Variants in NALF1 observed in about 807,000 individuals in gnomAD.
The protein encoded by NALF1 is family with sequence similarity 155 member A.
A neutral mutation model predicts 48.4 loss-of-function variants in NALF1; 3 were observed. The ratio of observed to expected loss-of-function variants is 0.06; its 90% CI spans 0.03 to 0.16. The LOEUF is 0.16. Ranked by LOEUF, NALF1 falls within the 10% of genes least tolerant of loss-of-function variation. The pLI, the probability that NALF1 is intolerant of heterozygous loss-of-function variation, is 1.00. For synonymous variants in NALF1, 262 were observed against 245.7 expected (o/e 1.07, Z -0.62); for missense variants, 526 against 571.5 (o/e 0.92, Z 0.81).
At chr13:107,461,996 A>G (rs1884926556) in intron 1 of NALF1, among the ~76,000 whole-genome samples, 1 of 152,160 alleles carries the variant, frequency 6.6e-6, no homozygotes, top group African/African-American at 2.4e-5. Context: ...TCTTATGTTA[A>G]GGTAGTCCCT....
At chr13:107,736,577 C>G (rs1372276216) in intron 1 of NALF1, among the ~76,000 whole-genome samples, 1 of 152,158 alleles carries the variant, frequency 6.6e-6, no homozygotes, top group Non-Finnish European at 1.5e-5. Flanking sequence ...CAGAGCACAG[C>G]ACCAAATTAT....
intron 1 of NALF1, among the ~76,000 whole-genome samples, chr13:107,626,734 G>A (rs540531526): frequency 1.3e-5 from 2 of 152,102 alleles, no homozygotes; most frequent in South Asian, 4.2e-4. Flanking sequence ...CTAAAAAAGT[G>A]GATCTCATGG....
At chr13:107,534,418 G>A (rs1876740562) in intron 1 of NALF1, among the ~76,000 whole-genome samples, 1 of 152,080 alleles carries the variant, frequency 6.6e-6, no homozygotes, top group South Asian at 2.1e-4. Context: ...GGGAAAAGAG[G>A]AGCAATAAGG....
chr13:107,224,931 T>C (rs765346671), intron 1 of NALF1, among the ~76,000 whole-genome samples: 6 of 152,294 alleles, frequency 3.9e-5, no homozygotes, highest in Middle Eastern at 3.4e-3. Context: ...CAAATGGAAA[T>C]AAAACAAAGC....
intron 1 of NALF1, among the ~76,000 whole-genome samples, chr13:107,486,255 T>G (rs1350422806): frequency 6.6e-6 from 1 of 152,142 alleles, no homozygotes; most frequent in African/African-American, 2.4e-5. Context: ...AGAGCTAAGC[T>G]GATTGGACAC....
intron 1 of NALF1, among the ~76,000 whole-genome samples, chr13:107,331,426 A>G (rs9520390): frequency 0.017 from 2,557 of 152,314 alleles, 29 homozygotes; most frequent in Non-Finnish European, 0.029. Flanking sequence ...GAGGTCATGA[A>G]CCATAGAGGA....
rs72654958 is a variant in NALF1 at position 107,634,256 on chromosome 13, T to C, written c.915+231426A>G. ...GCCTAGTTTACTCTCCTCCCCCTTC[T>C]ACATATTTATATTCCATCTAGAAAA... is the stretch of plus-strand genomic sequence containing the variant. On this transcript the variant is annotated intron_variant, in intron 1 of 2. Transcript: ENST00000375915. Among the ~76,000 whole-genome samples, 1,518 of 152,174 alleles carry C rather than the reference T, an allele frequency of 1.0e-2. 10 individuals carry two copies. Among genetic ancestry groups the C allele is most frequent in the Non-Finnish European group, 0.017 (1,137 of 67,990 alleles).
intron 1 of NALF1, among the ~76,000 whole-genome samples, chr13:107,627,344 A>T (rs976308818): frequency 1.4e-4 from 21 of 152,244 alleles, no homozygotes; most frequent in Admixed American, 1.2e-3. Context: ...ACCCTGTGTT[A>T]TTAAAGAGAA....
chr13:107,624,254 T>C (rs1446797842), intron 1 of NALF1, among the ~76,000 whole-genome samples: 2 of 152,210 alleles, frequency 1.3e-5, no homozygotes, highest in Non-Finnish European at 2.9e-5. Flanking sequence ...GTTCTTCTAC[T>C]AAGCCACTGT....
intron 1 of NALF1, among the ~76,000 whole-genome samples, chr13:107,443,272 A>G (rs9520446): frequency 0.66 from 100,207 of 151,842 alleles, 33,778 homozygotes; most frequent in Middle Eastern, 0.78. Context: ...CTGGAGTGCA[A>G]TAGTGCAATC....
In NALF1 at chr13:107,411,304, T is replaced by TG. The variant is rs201989900; in HGVS notation, c.916-200550_916-200549insC. Among the ~76,000 whole-genome samples the TG allele has an allele frequency of 1.1e-4, 14 of 126,780 alleles. No homozygotes were observed. The East Asian group carries it at 3.0e-3, about 27-fold the overall frequency. The allele number at this position is 126,780 out of a possible 152,430, so 83.2% of individuals were successfully genotyped here. A position where few individuals can be genotyped will look rare whatever the true frequency, so the allele number is the denominator to read the frequency against. ...TGAAGGTGAAATGTAGAATCTTGTT[T>TG]TTTTTTTTTTTTTTAATCAAGACAG... On this transcript the variant is annotated intron_variant, in intron 1 of 2. Transcript: ENST00000375915.
chr13:107,568,049 C>T (rs1181683180), intron 1 of NALF1, among the ~76,000 whole-genome samples: 1 of 152,162 alleles, frequency 6.6e-6, no homozygotes, highest in Non-Finnish European at 1.5e-5. Flanking sequence ...GTGAACAGGG[C>T]TCACTGCAGC....
intron 1 of NALF1, among the ~76,000 whole-genome samples, chr13:107,412,297 T>C (rs567846339): frequency 6.6e-6 from 1 of 152,348 alleles, no homozygotes; most frequent in Non-Finnish European, 1.5e-5. Context: ...CTGAGTTAGA[T>C]ACTATTATCA....
intron 1 of NALF1, among the ~76,000 whole-genome samples, chr13:107,247,924 C>T (rs1566463384): frequency 6.6e-6 from 1 of 152,076 alleles, no homozygotes; most frequent in Non-Finnish European, 1.5e-5. Flanking sequence ...ACATCTGGGG[C>T]ATTTTGCTCA....
At chr13:107,559,015 G>A (rs996910522) in intron 1 of NALF1, among the ~76,000 whole-genome samples, 1 of 152,190 alleles carries the variant, frequency 6.6e-6, no homozygotes, top group Non-Finnish European at 1.5e-5. Context: ...CCACCCTGCA[G>A]GGACCAGATC....
intron 1 of NALF1, among the ~76,000 whole-genome samples, chr13:107,750,339 A>G: frequency 6.6e-6 from 1 of 152,106 alleles, no homozygotes; most frequent in East Asian, 1.9e-4. Flanking sequence ...GCCTACAGTA[A>G]CCATGGGAAA....
chr13:107,697,299 T>C (rs985797131), intron 1 of NALF1, among the ~76,000 whole-genome samples: 11 of 152,140 alleles, frequency 7.2e-5, no homozygotes, highest in Non-Finnish European at 1.5e-4. Flanking sequence ...TGCTAAAAGA[T>C]TCTTCATAGC....
chr13:107,665,796 G>A (rs1359444102), intron 1 of NALF1, among the ~76,000 whole-genome samples: 1 of 151,996 alleles, frequency 6.6e-6, no homozygotes, highest in Middle Eastern at 3.2e-3. Flanking sequence ...AAAATTAAAA[G>A]ATAAAAATGA....
rs77897749 is a variant in NALF1, at chr13:107,544,024, C to T, written c.915+321658G>A. On this transcript the variant is annotated intron_variant, in intron 1 of 2. Transcript: ENST00000375915. ...GTGGAGTAGGGGTGATGTTTACAGTCGGAACAACAATCTAAAAGTCAAAAC... is the reference window on the plus strand; with the variant it reads ...GTGGAGTAGGGGTGATGTTTACAGTTGGAACAACAATCTAAAAGTCAAAAC... 5.5e-3 allele frequency among the ~76,000 whole-genome samples: 842 copies of T among 152,020 alleles called. 5 individuals carry two copies. Among genetic ancestry groups the T allele is most frequent in the Non-Finnish European group, 8.8e-3 (598 of 67,964 alleles).
Sources: gnomAD v4.1 joint callset for allele counts (sites outside exome capture counted in the v4.1 genomes callset) on GRCh38, gnomAD v4.1.1 for gene constraint, MANE v1.5 for transcripts, NCBI Gene and HGNC (gene_info 2026-07-23, HGNC 2026-07-21) for gene names.